DR1: variants seen among roughly 807,000 people sequenced by gnomAD.
DR1 encodes down-regulator of transcription 1.
In DR1, 7 loss-of-function variants were observed where a neutral mutation model predicts 19.9. That is an observed-to-expected ratio of 0.35 (90% CI 0.20 to 0.66). The LOEUF (loss-of-function observed/expected upper bound fraction) is 0.66, where lower values mean the gene tolerates loss of function less well. DR1 is among the 30% of genes least tolerant of loss of function. DR1 has a pLI of 0.66. For synonymous variants in DR1, 76 were observed against 72.5 expected (o/e 1.05, Z -0.24); for missense variants, 98 against 203.7 (o/e 0.48, Z 3.16).
chr1:93,353,316 T>A (rs766331739), intron 1 of DR1, among the ~76,000 whole-genome samples: 1 of 152,212 alleles, frequency 6.6e-6, no homozygotes, highest in African/African-American at 2.4e-5. Flanking sequence ...CATTTAAATA[T>A]GTTTTTATTT....
In DR1 at chr1:93,365,990, G is replaced by C. The variant is rs1667123371; in HGVS notation, c.*5351G>C. The C allele has an allele frequency of 6.6e-6, 1 of 152,154 alleles. No individual in the cohort carries two copies. The highest frequency in any genetic ancestry group is 2.4e-5 in the African/African-American group (1 of 41,438). 9.4% of individuals were successfully genotyped at this position (152,154 alleles called of 1,614,324 possible). A position where few individuals can be genotyped will look rare whatever the true frequency, so the allele number is the denominator to read the frequency against. On this transcript the variant is annotated 3_prime_UTR_variant, in exon 3 of 3. Coordinates refer to ENST00000370272, the MANE Select transcript of DR1 (RefSeq NM_001938.3). The stretch of plus-strand genomic sequence containing the variant: ...TAAGTGTTCAATTCTGTGGCATTAA[G>C]TATATTCATACTATTGTGCAACCAC...
At chr1:93,349,064 T>C (rs1666887150) in intron 1 of DR1, among the ~76,000 whole-genome samples, 1 of 152,086 alleles carries the variant, frequency 6.6e-6, no homozygotes, top group South Asian at 2.1e-4. Flanking sequence ...TAAAGTGATA[T>C]GATTCTCACA....
rs1310814842 is a variant in DR1, at chr1:93,364,220, T to A, written c.*3581T>A. ...CAGCAGGTATGTTGTTAATTTCATATAACAGGAAAATAAGAGCAAAAGTAA... is the reference window on the plus strand; with the variant it reads ...CAGCAGGTATGTTGTTAATTTCATAAAACAGGAAAATAAGAGCAAAAGTAA... On this transcript the variant is annotated 3_prime_UTR_variant, in exon 3 of 3. Coordinates refer to ENST00000370272, the MANE Select transcript of DR1 (RefSeq NM_001938.3). 2.0e-5 allele frequency: 3 copies of A among 152,236 alleles called. No homozygotes were observed. Among genetic ancestry groups the A allele is most frequent in the African/African-American group, 7.2e-5 (3 of 41,474 alleles). 9.4% of individuals were successfully genotyped at this position (152,236 alleles called of 1,614,324 possible).
intron 1 of DR1, among the ~76,000 whole-genome samples, chr1:93,353,210 A>G (rs907375353): frequency 1.3e-4 from 20 of 151,714 alleles, no homozygotes; most frequent in African/African-American, 4.8e-4. Flanking sequence ...TTTTTTCCTT[A>G]TAAAATTTCC....
chr1:93,350,762 A>G (rs1666905061), intron 1 of DR1, among the ~76,000 whole-genome samples: 1 of 152,176 alleles, frequency 6.6e-6, no homozygotes, highest in Non-Finnish European at 1.5e-5. Context: ...GTTTTGAGAT[A>G]CACGGCATAG....
intron 1 of DR1, among the ~76,000 whole-genome samples, chr1:93,351,417 C>CTTGGATTGGATTT (rs1666910997): frequency 6.8e-6 from 1 of 147,108 alleles, no homozygotes; most frequent in Non-Finnish European, 1.5e-5. Context: ...TTAAAAATAG[C>CTTGGATTGGATTT]TTGGATTGGA....
intron 1 of DR1, among the ~76,000 whole-genome samples, chr1:93,352,891 A>ATTTTTT (rs66850500): frequency 7.2e-6 from 1 of 139,526 alleles, no homozygotes; most frequent in African/African-American, 2.8e-5. Context: ...GGGTGTGTGA[A>ATTTTTT]TTTTTTTTTT....
Position 93,360,592 on chromosome 1 carries a change from A to G in DR1, c.484A>G (p.Asn162Asp). Residue 162 changes from asparagine (N) to aspartate (D), a missense_variant, in exon 3 of 3, where the codon AAT becomes GAT. By Grantham distance (23) the Asn-to-Asp change is conservative. Transcript: ENST00000370272. ...TGCTGCTGCCTCAGCCAGTGCATCT[A>G]ATCAGGCGGGATCTTCTCAGGATGA... ...QLAAASASASNQAGSSQDEED... is the reference protein window; with the variant it reads ...QLAAASASASDQAGSSQDEED... 6.3e-7 allele frequency: 1 copy of G among 1,595,000 alleles called. No homozygotes were observed. The highest frequency in any genetic ancestry group is 8.5e-7 in the Non-Finnish European group (1 of 1,173,152).
chr1:93,349,666 G>A (rs897787357), intron 1 of DR1, among the ~76,000 whole-genome samples: 4 of 152,056 alleles, frequency 2.6e-5, no homozygotes, highest in Non-Finnish European at 5.9e-5. Context: ...AAGAGTATCT[G>A]AGAATTTGCG....
intron 1 of DR1, among the ~76,000 whole-genome samples, chr1:93,353,196 AT>A (rs900856780): frequency 5.3e-5 from 8 of 150,686 alleles, no homozygotes; most frequent in Admixed American, 2.0e-4. Context: ...TGCCTAGCCC[AT>A]TTTTTTTTCC....
At position 93,361,983 on chromosome 1, in the gene DR1, A is replaced by C. The variant is rs570537881; in HGVS notation, c.*1344A>C. On this transcript the variant is annotated 3_prime_UTR_variant, in exon 3 of 3. Coordinates refer to ENST00000370272, the MANE Select transcript of DR1 (RefSeq NM_001938.3). ...GGAAAAGTCACTTAAGATAGTATTA[A>C]GTAATTAAATTCCTATGTCAGTTGC... 2.0e-5 allele frequency: 3 copies of C among 152,652 alleles called. No homozygotes were observed. Among genetic ancestry groups the C allele is most frequent in the African/African-American group, 7.2e-5 (3 of 41,578 alleles). The allele number at this position is 152,652 out of a possible 1,614,324, so 9.5% of individuals were successfully genotyped here. A position where few individuals can be genotyped will look rare whatever the true frequency, so the allele number is the denominator to read the frequency against.
chr1:93,346,047 C>G lies in DR1; in HGVS notation c.-599C>G, dbSNP rs999491423. 1 of 170,540 alleles carries G rather than the reference C, an allele frequency of 5.9e-6. No homozygotes were observed. Among genetic ancestry groups the G allele is most frequent in the Non-Finnish European group, 1.2e-5 (1 of 80,376 alleles). The allele number at this position is 170,540 out of a possible 1,614,324, so 10.6% of individuals were successfully genotyped here. ...CCACTGCGACTCCCACTGTGCCTGG[C>G]TCTGTCCATATTAGTTCCCAGGCGG... is the stretch of plus-strand genomic sequence containing the variant. On this transcript the variant is annotated 5_prime_UTR_variant, in exon 1 of 3. Transcript: ENST00000370272.
chr1:93,354,298 T>C (rs952717571), intron 2 of DR1, among the ~76,000 whole-genome samples: 3 of 152,164 alleles, frequency 2.0e-5, no homozygotes, highest in African/African-American at 7.2e-5. Context: ...AAATTTCACT[T>C]GATATTTTTT....
At chr1:93,359,684 G>A (rs1296584614) in intron 2 of DR1, among the ~76,000 whole-genome samples, 1 of 152,080 alleles carries the variant, frequency 6.6e-6, no homozygotes, top group African/African-American at 2.4e-5. Context: ...TTCTTGGTGT[G>A]GTTTTTCTGC....
At chr1:93,352,455 A>G (rs1223320537) in intron 1 of DR1, among the ~76,000 whole-genome samples, 4 of 152,234 alleles carry the variant, frequency 2.6e-5, no homozygotes, top group Non-Finnish European at 4.4e-5. Context: ...TAACTTAATA[A>G]TAGGACAGTA....
chr1:93,358,510 C>T (rs181163070), intron 2 of DR1, among the ~76,000 whole-genome samples: 1 of 152,308 alleles, frequency 6.6e-6, no homozygotes, highest in East Asian at 1.9e-4. Context: ...TGAACCCGCA[C>T]CCCATCCCCC....
chr1:93,346,297 G>C lies in DR1; in HGVS notation c.-349G>C. On this transcript the variant is annotated 5_prime_UTR_variant, in exon 1 of 3. Coordinates refer to ENST00000370272, the MANE Select transcript of DR1 (RefSeq NM_001938.3). ...TGGATCTTGCCTCTGCTCCGACGCC[G>C]TTGGGGACCAGTTAGGCGACAGCGC... The C allele has an allele frequency of 3.1e-6, 1 of 319,302 alleles. No individual in the cohort carries two copies. Among genetic ancestry groups the C allele is most frequent in the Non-Finnish European group, 6.0e-6 (1 of 165,402 alleles). The allele number at this position is 319,302 out of a possible 1,614,324, so 19.8% of individuals were successfully genotyped here.
intron 1 of DR1, among the ~76,000 whole-genome samples, chr1:93,353,056 G>C (rs935296089): frequency 2.6e-5 from 4 of 151,824 alleles, no homozygotes; most frequent in African/African-American, 9.7e-5. Flanking sequence ...CATCACACTC[G>C]ACTAATTTTT....
At position 93,346,274 on chromosome 1, in the gene DR1, G is replaced by A. The variant is rs1163342938; in HGVS notation, c.-372G>A. The A allele has an allele frequency of 3.4e-6, 1 of 296,430 alleles. No individual in the cohort carries two copies. The highest frequency in any genetic ancestry group is 2.2e-5 in the African/African-American group (1 of 45,090). The allele number at this position is 296,430 out of a possible 1,614,324, so 18.4% of individuals were successfully genotyped here. On this transcript the variant is annotated 5_prime_UTR_variant, in exon 1 of 3. Transcript: ENST00000370272. ...TACCGCGGCGAGGCCAGTGCCCCTGGATCTTGCCTCTGCTCCGACGCCGTT... is the reference window on the plus strand; with the variant it reads ...TACCGCGGCGAGGCCAGTGCCCCTGAATCTTGCCTCTGCTCCGACGCCGTT...
Sources: gnomAD v4.1 joint callset for allele counts (sites outside exome capture counted in the v4.1 genomes callset) on GRCh38, gnomAD v4.1.1 for gene constraint, MANE v1.5 for transcripts, NCBI Gene and HGNC (gene_info 2026-07-23, HGNC 2026-07-21) for gene names.